The following PARP6 variants were observed in gnomAD, a reference collection of about 807,000 sequenced individuals.
PARP6 encodes poly(ADP-ribose) polymerase family member 6.
Under a neutral mutation model 92.0 loss-of-function variants are expected in PARP6, and 27 were observed. The ratio of observed to expected loss-of-function variants is 0.29; its 90% CI spans 0.22 to 0.40. PARP6 has a LOEUF of 0.40. Among genes scored for constraint, PARP6 ranks in the 10% least tolerant of loss-of-function variants. PARP6 has a pLI of 1.00. For synonymous variants in PARP6, 272 were observed against 281.2 expected (o/e 0.97, Z 0.33); for missense variants, 501 against 784.5 (o/e 0.64, Z 4.32).
At chr15:72,268,761 G>T (rs931723446) in intron 2 of PARP6, among the ~76,000 whole-genome samples, 2 of 152,158 alleles carry the variant, frequency 1.3e-5, no homozygotes, top group African/African-American at 4.8e-5. Flanking sequence ...AGTTGTCATT[G>T]CCAAAATAAT....
At chr15:72,263,330 T>C (rs1446887190) in intron 8 of PARP6, among the ~76,000 whole-genome samples, 1 of 152,232 alleles carries the variant, frequency 6.6e-6, no homozygotes, top group Non-Finnish European at 1.5e-5. Flanking sequence ...CATTCTCACC[T>C]ATAATCACAC....
chr15:72,262,184 G>C (rs1453348348), intron 8 of PARP6, among the ~76,000 whole-genome samples: 2 of 152,186 alleles, frequency 1.3e-5, no homozygotes, highest in Non-Finnish European at 2.9e-5. Flanking sequence ...CCCTTAGCTA[G>C]ATTTGTCAAT....
intron 14 of PARP6, among the ~76,000 whole-genome samples, chr15:72,256,014 GTCTCGA>G (rs1405740815): frequency 6.6e-6 from 1 of 151,132 alleles, no homozygotes; most frequent in African/African-American, 2.4e-5. Context: ...AGCCAGGATG[GTCTCGA>G]TCTCCTGACC....
rs376061916 is a variant in PARP6 at position 72,257,330 on chromosome 15, C to T, written c.999+18G>A. 7.1e-4 allele frequency: 1,125 copies of T among 1,580,128 alleles called. 2 individuals are homozygous for T. Among genetic ancestry groups the T allele is most frequent in the Middle Eastern group, 3.3e-3 (20 of 6,000 alleles). ...TTTCTTGATCCCAATTCCCCAGCCA[C>T]GTTTCCCTCCCCCATACCTCTGCTC... On this transcript the variant is annotated intron_variant, in intron 13 of 23. Coordinates refer to ENST00000569795, the MANE Select transcript of PARP6 (RefSeq NM_001323532.2).
In PARP6 at chr15:72,241,374, C is replaced by A; in HGVS notation, c.*81G>T. On this transcript the variant is annotated 3_prime_UTR_variant, in exon 24 of 24. Coordinates refer to ENST00000569795, the MANE Select transcript of PARP6 (RefSeq NM_001323532.2). The surrounding 1 kb of genome is among the most constrained non-coding windows in gnomAD (Gnocchi z 4.1). The stretch of plus-strand genomic sequence containing the variant: ...ATGGCCCCTTGATTCCTCAGGGCAG[C>A]CTCAGCTGCTGTACCTGAACACTTT... 1 of 965,142 alleles carries A rather than the reference C, an allele frequency of 1.0e-6. No individual in the cohort carries two copies. Among genetic ancestry groups the A allele is most frequent in the Non-Finnish European group, 1.7e-6 (1 of 598,664 alleles). The allele number at this position is 965,142 out of a possible 1,614,324, so 59.8% of individuals were successfully genotyped here.
chr15:72,256,591 C>T lies in PARP6; in HGVS notation c.1000-1G>A. 6.5e-7 allele frequency: 1 copy of T among 1,537,338 alleles called. No individual in the cohort carries two copies. ...ACATGGCCACCAGCAGATCCACCAC[C>T]TTAGGGGAAAGGAAAAAAAACAGGG... is the stretch of plus-strand genomic sequence containing the variant. On this transcript the variant is annotated splice_acceptor_variant, in intron 13 of 23. Transcript: ENST00000569795. LOFTEE classifies it high-confidence loss of function.
intron 8 of PARP6, among the ~76,000 whole-genome samples, chr15:72,262,370 T>C (rs1310915004): frequency 1.3e-5 from 2 of 152,196 alleles, no homozygotes; most frequent in African/African-American, 2.4e-5. Flanking sequence ...TCTACTTACA[T>C]TTCCACCCTA....
intron 1 of PARP6, among the ~76,000 whole-genome samples, chr15:72,271,682 ATAAT>A (rs1365790093): frequency 1.3e-5 from 2 of 152,218 alleles, no homozygotes; most frequent in African/African-American, 4.8e-5. Context: ...TGATGTGGTT[ATAAT>A]TAATTGAGTT....
Position 72,241,626 on chromosome 15 carries a change from CT to C in PARP6, c.1791-70del. ...ACCAGAATAACATCAATCAGTGGAA[CT>C]GTATTTCAAGGTATGGCCATCCCAT... On this transcript the variant is annotated intron_variant, in intron 23 of 23. Coordinates refer to ENST00000569795, the MANE Select transcript of PARP6 (RefSeq NM_001323532.2). This position sits in a 1 kb window ranked among gnomAD's most constrained non-coding sequence, Gnocchi z 4.1. 1 of 1,235,516 alleles carries C rather than the reference CT, an allele frequency of 8.1e-7. No individual in the cohort carries two copies. The highest frequency in any genetic ancestry group is 1.2e-5 in the South Asian group (1 of 82,280). The allele number at this position is 1,235,516 out of a possible 1,614,324, so 76.5% of individuals were successfully genotyped here. A position where few individuals can be genotyped will look rare whatever the true frequency, so the allele number is the denominator to read the frequency against.
rs750948934 is a variant in PARP6 at position 72,260,572 on chromosome 15, T to C, written c.662A>G (p.Lys221Arg). Residue 221 changes from lysine to arginine, a missense_variant, in exon 10 of 24, where the codon AAA becomes AGA. Lys to Arg is a conservative substitution (Grantham distance 26, BLOSUM62 2). Transcript: ENST00000569795. ...RSISCTMKNPKVEVFGYPPSP... is the reference protein window; with the variant it reads ...RSISCTMKNPRVEVFGYPPSP... ...GGGAGGGTAGCCAAACACTTCCACT[T>C]TGGGGTTCTTCATGGTACAGGAGAT... The C allele has an allele frequency of 4.3e-6, 7 of 1,613,970 alleles. No homozygotes were observed. The highest frequency in any genetic ancestry group is 1.1e-5 in the South Asian group (1 of 91,088).
intron 19 of PARP6, 38 bp from the exon 20 acceptor site, chr15:72,249,352 G>C: frequency 7.8e-7 from 1 of 1,274,798 alleles, no homozygotes; most frequent in Non-Finnish European, 1.1e-6. Context: ...TATGAGCCTG[G>C]GCCCTCCCAT....
intron 10 of PARP6, 89 bp downstream of exon 10, chr15:72,260,389 T>A (rs2085703112): frequency 9.5e-7 from 1 of 1,054,020 alleles, no homozygotes; most frequent in Admixed American, 2.0e-5. Context: ...TAGACAACCA[T>A]ATCCCCACCC....
At chr15:72,251,548 A>C (rs1339495261) in intron 16 of PARP6, among the ~76,000 whole-genome samples, 2 of 152,210 alleles carry the variant, frequency 1.3e-5, no homozygotes, top group Non-Finnish European at 2.9e-5. Flanking sequence ...TAGGGAGTAA[A>C]AAGGGTAGAA....
chr15:72,265,332 C>G (rs761821583), intron 6 of PARP6, 81 bp downstream of exon 6: 5 of 1,266,992 alleles, frequency 3.9e-6, no homozygotes, highest in Admixed American at 3.4e-5. Context: ...ATACAGCACT[C>G]GGGAACAAGA....
At position 72,261,448 on chromosome 15, in the gene PARP6, G is replaced by C. The variant is rs1057374023; in HGVS notation, c.545+110C>G. 6 of 977,708 alleles carry C rather than the reference G, an allele frequency of 6.1e-6. No individual in the cohort carries two copies. In the East Asian group the frequency reaches 7.2e-5, roughly 12 times the overall value. The allele number at this position is 977,708 out of a possible 1,614,324, so 60.6% of individuals were successfully genotyped here. ...CATGTGAGTGGTGTCAGTAGTTAAAGAGACAGAATTCAGGGAAGAGAGGGG... is the reference window on the plus strand; with the variant it reads ...CATGTGAGTGGTGTCAGTAGTTAAACAGACAGAATTCAGGGAAGAGAGGGG... On this transcript the variant is annotated intron_variant, in intron 9 of 23. Coordinates refer to ENST00000569795, the MANE Select transcript of PARP6 (RefSeq NM_001323532.2).
Position 72,242,748 on chromosome 15 carries a change from T to G in PARP6, c.1562-49A>C. On this transcript the variant is annotated intron_variant, in intron 20 of 23. Transcript: ENST00000569795. The surrounding 1 kb of genome is among the most constrained non-coding windows in gnomAD (Gnocchi z 4.3). ...TTCATTTATCAAAAATTTACGAAAG[T>G]GCCTACTATGTCCCAGCACTGAGCT... The G allele has an allele frequency of 8.5e-7, 1 of 1,183,222 alleles. No individual in the cohort carries two copies. 73.3% of individuals were successfully genotyped at this position (1,183,222 alleles called of 1,614,324 possible).
intron 15 of PARP6, 47 bp downstream of exon 15, chr15:72,254,408 T>C: frequency 3.0e-6 from 4 of 1,348,952 alleles, no homozygotes; most frequent in East Asian, 2.3e-5. Context: ...AATAGGACAC[T>C]TGAACTGGGC....
Position 72,242,714 on chromosome 15 carries a change from T to C in PARP6, c.1562-15A>G. The C allele has an allele frequency of 6.4e-7, 1 of 1,568,182 alleles. No homozygotes were observed. Among genetic ancestry groups the C allele is most frequent in the Middle Eastern group, 1.7e-4 (1 of 5,888 alleles). ...TTTTCCCATTCCTGTCACAGAACAA[T>C]ACACCCACTTCATTTATCAAAAATT... is the stretch of plus-strand genomic sequence containing the variant. On this transcript the variant is annotated splice_polypyrimidine_tract_variant and intron_variant, in intron 20 of 23. Coordinates refer to ENST00000569795, the MANE Select transcript of PARP6 (RefSeq NM_001323532.2). This position sits in a 1 kb window ranked among gnomAD's most constrained non-coding sequence, Gnocchi z 4.3.
Position 72,242,523 on chromosome 15 carries a change from TC to T in PARP6, c.1641+96del. 1 of 855,422 alleles carries T rather than the reference TC, an allele frequency of 1.2e-6. No individual in the cohort carries two copies. Among genetic ancestry groups the T allele is most frequent in the South Asian group, 1.3e-5 (1 of 74,460 alleles). The allele number at this position is 855,422 out of a possible 1,614,324, so 53.0% of individuals were successfully genotyped here. A position where few individuals can be genotyped will look rare whatever the true frequency, so the allele number is the denominator to read the frequency against. The stretch of plus-strand genomic sequence containing the variant: ...ACTCCTTTAAATGATCTCAAATCAC[TC>T]CCCAACCCATTCTCACCCCACTGTT... On this transcript the variant is annotated intron_variant, in intron 21 of 23. Transcript: ENST00000569795. This position sits in a 1 kb window ranked among gnomAD's most constrained non-coding sequence, Gnocchi z 4.3.
Sources: allele counts gnomAD v4.1 joint callset (sites outside exome capture counted in the v4.1 genomes callset), GRCh38; gene constraint gnomAD v4.1.1; non-coding constraint Gnocchi (gnomAD v3.1); transcripts MANE v1.5; gene names NCBI Gene and HGNC (gene_info 2026-07-23, HGNC 2026-07-21).